The following TRIM62 variants were observed in gnomAD, a reference collection of about 807,000 sequenced individuals.
TRIM62 encodes the protein E3 ubiquitin-protein ligase TRIM62.
Under a neutral mutation model 44.2 loss-of-function variants are expected in TRIM62, and 39 were observed. The ratio of observed to expected loss-of-function variants is 0.88; its 90% confidence interval spans 0.68 to 1.15. TRIM62 has a LOEUF of 1.15. Among genes scored for constraint, TRIM62 ranks in the 50% most tolerant of loss-of-function variants. The pLI, the probability that TRIM62 is intolerant of heterozygous loss-of-function variation, is 0.00. For synonymous variants in TRIM62, 278 were observed against 292.3 expected (o/e 0.95, Z 0.50); for missense variants, 544 against 665.5 (o/e 0.82, Z 2.01).
At position 33,159,427 on chromosome 1, in the gene TRIM62, A is replaced by G. The variant is rs971246752; in HGVS notation, c.761+261T>C. ...TCTCCTGCACCCCTAGAGCCAAGAC[A>G]GCAGGGTCAAAGTGGCTGCCCTCTA... On this transcript the variant is annotated intron_variant, in intron 3 of 4. Coordinates refer to ENST00000291416, the MANE Select transcript of TRIM62 (RefSeq NM_018207.3). This position sits in a 1 kb window ranked among gnomAD's most constrained non-coding sequence, Gnocchi z 4.2. 6.6e-6 allele frequency among the ~76,000 whole-genome samples: 1 copy of G among 152,158 alleles called. No individual in the cohort carries two copies. The highest frequency in any genetic ancestry group is 2.4e-5 in the African/African-American group (1 of 41,434).
intron 1 of TRIM62, among the ~76,000 whole-genome samples, chr1:33,175,249 AATGTTGGCCAGGCTG>A (rs888672111): frequency 1.7e-4 from 26 of 150,432 alleles, no homozygotes; most frequent in African/African-American, 5.9e-4. Context: ...GGGGTTTCAT[AATGTTGGCCAGGCTG>A]ATCTCAAACT....
Position 33,165,620 on chromosome 1 carries a change from T to C in TRIM62, c.409-54A>G, listed in dbSNP as rs1645321354. The C allele has an allele frequency of 6.7e-7, 1 of 1,496,988 alleles. No individual in the cohort carries two copies. The highest frequency in any genetic ancestry group is 1.3e-5 in the South Asian group (1 of 79,514). The allele number at this position is 1,496,988 out of a possible 1,614,324, so 92.7% of individuals were successfully genotyped here. A position where few individuals can be genotyped will look rare whatever the true frequency, so the allele number is the denominator to read the frequency against. ...GCAGGGGCCATGCCTGGCCCAGGCA[T>C]TCAGCCCTGACCACTGCCAGGCGCT... is the stretch of plus-strand genomic sequence containing the variant. On this transcript the variant is annotated intron_variant, in intron 1 of 4. Coordinates refer to ENST00000291416, the MANE Select transcript of TRIM62 (RefSeq NM_018207.3). The surrounding 1 kb of genome is among the most constrained non-coding windows in gnomAD (Gnocchi z 4.0).
At position 33,146,850 on chromosome 1, in the gene TRIM62, G is replaced by A; in HGVS notation, c.*327C>T. On this transcript the variant is annotated 3_prime_UTR_variant, in exon 5 of 5. Coordinates refer to ENST00000291416, the MANE Select transcript of TRIM62 (RefSeq NM_018207.3). Reference sequence around the variant, plus strand: ...CACTTCCTGAGGTCAGGGCTGGGCTGGAGGGAGACACTGGAAGGTAGTCCC... The same window carrying A: ...CACTTCCTGAGGTCAGGGCTGGGCTAGAGGGAGACACTGGAAGGTAGTCCC... The A allele has an allele frequency of 2.6e-6, 1 of 381,528 alleles. No individual in the cohort carries two copies. 23.6% of individuals were successfully genotyped at this position (381,528 alleles called of 1,614,324 possible).
chr1:33,179,660 C>T (rs1645445855), intron 1 of TRIM62, among the ~76,000 whole-genome samples: 1 of 152,124 alleles, frequency 6.6e-6, no homozygotes, highest in Non-Finnish European at 1.5e-5. Flanking sequence ...TGGGCCAGGC[C>T]TTGCACCAGG....
chr1:33,180,873 T>G, intron 1 of TRIM62, 152 bp downstream of exon 1: 3 of 148,182 alleles, frequency 2.0e-5, no homozygotes, highest in Non-Finnish European at 3.8e-5. Flanking sequence ...CTGCCCCGCG[T>G]TACTCCTGAT....
At chr1:33,156,915 C>T (rs1048368430) in intron 4 of TRIM62, among the ~76,000 whole-genome samples, 23 of 151,986 alleles carry the variant, frequency 1.5e-4, no homozygotes, top group Non-Finnish European at 2.5e-4. Flanking sequence ...AAAATATGTC[C>T]TAAATCCCAC....
At position 33,177,131 on chromosome 1, in the gene TRIM62, ACACACG is replaced by A. The variant is rs1192789695; in HGVS notation, c.408+3888_408+3893del. Reference sequence around the variant, plus strand: ...CACACACATGCATGTACGCATGCACACACACGCACATGCACACCCACAGGTTACATA... The same window carrying A: ...CACACACATGCATGTACGCATGCACACACATGCACACCCACAGGTTACATA... On this transcript the variant is annotated intron_variant, in intron 1 of 4. Coordinates refer to ENST00000291416, the MANE Select transcript of TRIM62 (RefSeq NM_018207.3). This position sits in a 1 kb window ranked among gnomAD's most constrained non-coding sequence, Gnocchi z 4.1. 1.9e-4 allele frequency among the ~76,000 whole-genome samples: 29 copies of A among 152,008 alleles called. No homozygotes were observed. The highest frequency in any genetic ancestry group is 1.0e-3 in the South Asian group (5 of 4,810).
At chr1:33,163,600 C>G (rs1323460415) in intron 2 of TRIM62, 1 of 152,274 alleles carries the variant, frequency 6.6e-6, no homozygotes, top group Non-Finnish European at 1.5e-5. Context: ...GCCCCCACCC[C>G]AACCCACCAC....
chr1:33,172,428 CAGGT>C (rs1278331413), intron 1 of TRIM62, among the ~76,000 whole-genome samples: 2 of 151,930 alleles, frequency 1.3e-5, no homozygotes, highest in Non-Finnish European at 2.9e-5. Flanking sequence ...AGGCATGTGA[CAGGT>C]GGGTGGAGTC....
At chr1:33,168,203 T>C (rs1645345248) in intron 1 of TRIM62, among the ~76,000 whole-genome samples, 2 of 152,154 alleles carry the variant, frequency 1.3e-5, no homozygotes, top group Non-Finnish European at 1.5e-5. Context: ...TGAGAGCCCA[T>C]GCTGATGCAA....
In TRIM62 at chr1:33,146,873, C is replaced by CTGA; in HGVS notation, c.*303_*304insTCA. ...CTGGAGGGAGACACTGGAAGGTAGTCCCCTGCCCCTGAGAAGATGGGGATG... is the reference window on the plus strand; with the variant it reads ...CTGGAGGGAGACACTGGAAGGTAGTCTGACCCTGCCCCTGAGAAGATGGGGATG... On this transcript the variant is annotated 3_prime_UTR_variant, in exon 5 of 5. Coordinates refer to ENST00000291416, the MANE Select transcript of TRIM62 (RefSeq NM_018207.3). 1 of 421,262 alleles carries CTGA rather than the reference C, an allele frequency of 2.4e-6. No individual in the cohort carries two copies. Among genetic ancestry groups the CTGA allele is most frequent in the Non-Finnish European group, 4.4e-6 (1 of 229,510 alleles). The allele number at this position is 421,262 out of a possible 1,614,324, so 26.1% of individuals were successfully genotyped here.
intron 2 of TRIM62, 141 bp from the exon 3 acceptor site, chr1:33,160,085 A>G (rs1255736611): frequency 9.3e-7 from 1 of 1,076,610 alleles, no homozygotes; most frequent in Non-Finnish European, 1.3e-6. Context: ...TGTCACATGC[A>G]AAAGCATGGT....
chr1:33,147,703 G>A lies in TRIM62; in HGVS notation c.902C>T (p.Pro301Leu), dbSNP rs140221635. The A allele has an allele frequency of 3.6e-5, 58 of 1,612,576 alleles. No homozygotes were observed. The highest frequency in any genetic ancestry group is 1.6e-4 in the Middle Eastern group (1 of 6,082). The change falls in exon 5 of 5, where the codon CCG becomes CTG. Residue 301 changes from proline (P) to leucine (L), a missense_variant. Transcript: ENST00000291416. The surrounding 1 kb of genome is among the most constrained non-coding windows in gnomAD (Gnocchi z 8.1). ...HPVPAALTLDPGTAHQRLILS... is the reference protein window; with the variant it reads ...HPVPAALTLDLGTAHQRLILS... ...GATCAGGCGCTGGTGGGCTGTGCCC[G>A]GGTCCAGGGTTAGGGCGGCTGGCAC...
In TRIM62 at chr1:33,175,284, C is replaced by T. The variant is rs545018246; in HGVS notation, c.408+5741G>A. Among the ~76,000 whole-genome samples the T allele has an allele frequency of 3.6e-4, 54 of 151,914 alleles. No homozygotes were observed. The East Asian group carries it at 7.0e-3, about 20-fold the overall frequency. ...AGGCTGATCTCAAACTCAGGTGATC[C>T]GCCTGCCTTGGCCTCCTGAAGTGCT... On this transcript the variant is annotated intron_variant, in intron 1 of 4. Coordinates refer to ENST00000291416, the MANE Select transcript of TRIM62 (RefSeq NM_018207.3).
rs370477521 is a variant in TRIM62 at position 33,158,290 on chromosome 1, G to A, written c.840C>T (p.Tyr280=). The A allele has an allele frequency of 6.8e-6, 11 of 1,614,090 alleles. No individual in the cohort carries two copies. In the African/African-American group the frequency reaches 1.1e-4, roughly 16 times the overall value. Residue 280 remains tyrosine (Y), a synonymous_variant, in exon 4 of 5, where the codon TAC becomes TAT. Coordinates refer to ENST00000291416, the MANE Select transcript of TRIM62 (RefSeq NM_018207.3). ...PTSKYTGPLQ[Y]TIWKSLFQDI... is the part of the protein sequence containing the mutation. ...CCTGGAACAGGGACTTCCAGATGGT[G>A]TACTGCAGGGGGCCTGTGTACTTGG...
intron 3 of TRIM62, 39 bp from the exon 4 acceptor site, chr1:33,158,407 G>A (rs760438041): frequency 2.1e-5 from 34 of 1,584,512 alleles, no homozygotes; most frequent in Middle Eastern, 1.7e-4. Flanking sequence ...ACCAGGGACT[G>A]GATTCCTGCC....
intron 2 of TRIM62, among the ~76,000 whole-genome samples, chr1:33,160,522 A>T (rs916724186): frequency 1.3e-5 from 2 of 152,050 alleles, no homozygotes; most frequent in Non-Finnish European, 2.9e-5. Flanking sequence ...CTCCAGCCTC[A>T]GCCTCCCTAG....
intron 4 of TRIM62, among the ~76,000 whole-genome samples, chr1:33,151,623 C>G (rs540164963): frequency 1.3e-5 from 2 of 152,292 alleles, no homozygotes; most frequent in African/African-American, 4.8e-5. Flanking sequence ...TGGGGGCTCA[C>G]TATTCTACAG....
At chr1:33,180,418 G>A (rs1645451417) in intron 1 of TRIM62, among the ~76,000 whole-genome samples, 1 of 151,906 alleles carries the variant, frequency 6.6e-6, no homozygotes, top group South Asian at 2.1e-4. Context: ...CCTAACCCTC[G>A]GTACTCAAAC....
Sources: gnomAD v4.1 joint callset for allele counts (sites outside exome capture counted in the v4.1 genomes callset) on GRCh38, gnomAD v4.1.1 for gene constraint, Gnocchi (gnomAD v3.1) non-coding constraint, MANE v1.5 for transcripts, NCBI Gene and HGNC (gene_info 2026-07-23, HGNC 2026-07-21) for gene names.